Variants in F7 observed in about 807,000 individuals in gnomAD.
The protein encoded by F7 is coagulation factor VII, also known as FVII coagulation protein.
In F7, 38 loss-of-function variants were observed where a neutral mutation model predicts 47.5. The observed-to-expected ratio is 0.80, with a 90% CI of 0.62 to 1.05. The LOEUF is 1.05. F7 is among the 50% of genes least tolerant of loss of function. The pLI, the probability that F7 is intolerant of heterozygous loss-of-function variation, is 0.00. For synonymous variants in F7, 244 were observed against 258.5 expected, an observed-to-expected ratio of 0.94 and a Z score of 0.54; for missense variants, 575 against 605.4, an observed-to-expected ratio of 0.95 and a Z score of 0.53.
chr13:113,116,713 G>T, intron 5 of F7, 53 bp from the exon 6 acceptor site: 6 of 1,348,164 alleles, frequency 4.5e-6, no homozygotes, highest in Non-Finnish European at 4.3e-6. Flanking sequence ...TTTCCTAGTG[G>T]CACGTTCATC....
intron 5 of F7, among the ~76,000 whole-genome samples, chr13:113,116,098 C>T (rs534454979): frequency 5.3e-5 from 8 of 152,354 alleles, no homozygotes; most frequent in Non-Finnish European, 7.3e-5. Context: ...GCAGGACCTC[C>T]GCCAGGGTTC....
rs1369942209 is a variant in F7, at chr13:113,119,924, AT to A, written c.*919del. On this transcript the variant is annotated 3_prime_UTR_variant, in exon 8 of 8. Coordinates refer to ENST00000346342, the MANE Select transcript of F7 (RefSeq NM_019616.4). Reference sequence around the variant, plus strand: ...TGCCCCCAAACTCTCCCCCAAATGTATTTCTCCCTTCGCTGGGTGCCGGGCT... The same window carrying A: ...TGCCCCCAAACTCTCCCCCAAATGTATTCTCCCTTCGCTGGGTGCCGGGCT... 5 of 152,098 alleles carry A rather than the reference AT, an allele frequency of 3.3e-5. No homozygotes were observed. The highest frequency in any genetic ancestry group is 3.3e-4 in the Admixed American group (5 of 15,284). The allele number at this position is 152,098 out of a possible 1,614,324, so 9.4% of individuals were successfully genotyped here.
intron 2 of F7, among the ~76,000 whole-genome samples, chr13:113,112,235 C>T (rs2036115035): frequency 6.7e-6 from 1 of 148,660 alleles, no homozygotes; most frequent in Non-Finnish European, 1.5e-5. Context: ...TCACCTCACA[C>T]CCACAGGACA....
chr13:113,110,540 G>C, intron 1 of F7, 150 bp from the exon 2 acceptor site: 2 of 1,035,102 alleles, frequency 1.9e-6, no homozygotes, highest in Non-Finnish European at 2.8e-6. Context: ...ACGGCAGGGA[G>C]GACACCCAGC....
rs1420834244 is a variant in F7, at chr13:113,118,399, C to T, written c.740-14C>T. 1.3e-6 allele frequency: 2 copies of T among 1,583,478 alleles called. No homozygotes were observed. Among genetic ancestry groups the T allele is most frequent in the Non-Finnish European group, 8.6e-7 (1 of 1,165,846 alleles). On this transcript the variant is annotated splice_polypyrimidine_tract_variant and intron_variant, in intron 7 of 7. Coordinates refer to ENST00000346342, the MANE Select transcript of F7 (RefSeq NM_019616.4). Reference sequence around the variant, plus strand: ...GGTGGTGGAAAGGGCCTGAGGGGGGCTTCTTCCTTCCAGGCGAGCACGACC... The same window carrying T: ...GGTGGTGGAAAGGGCCTGAGGGGGGTTTCTTCCTTCCAGGCGAGCACGACC...
At chr13:113,106,924 GC>G in intron 1 of F7, 1 of 1,596,646 alleles carries the variant, frequency 6.3e-7, no homozygotes, top group Non-Finnish European at 8.5e-7. Context: ...AGCAGGGACT[GC>G]CACTGGTTTT....
intron 4 of F7, 110 bp from the exon 5 acceptor site, chr13:113,115,550 G>A: frequency 1.6e-6 from 2 of 1,258,906 alleles, no homozygotes; most frequent in African/African-American, 1.5e-5. Flanking sequence ...ACAGCTCAGT[G>A]CCACCTTCCA....
Position 113,118,985 on chromosome 13 carries a change from C to G in F7, c.1312C>G (p.Leu438Val). Residue 438 changes from leucine (L) to valine (V), a missense_variant, in exon 8 of 8, where the codon CTC (leucine) becomes GTC (valine). By Grantham distance (32) the Leu-to-Val change is conservative. Coordinates refer to ENST00000346342, the MANE Select transcript of F7 (RefSeq NM_019616.4). ...GCGCTCAGAGCCACGCCCAGGAGTC[C>G]TCCTGCGAGCCCCATTTCCCTAGCC... ...LMRSEPRPGV[L>V]LRAPFP is the part of the protein sequence containing the mutation. The G allele has an allele frequency of 6.2e-7, 1 of 1,600,750 alleles. No individual in the cohort carries two copies.
chr13:113,108,632 G>A (rs1188455694), intron 1 of F7, among the ~76,000 whole-genome samples: 7 of 110,722 alleles, frequency 6.3e-5, no homozygotes, highest in Admixed American at 8.4e-5. Context: ...TGGGTGTCCC[G>A]GGGGCGTGGG....
In F7 at chr13:113,113,321, G is replaced by A. The variant is rs922265888; in HGVS notation, c.226-431G>A. ...ACAGCACCCCGTGAGTTTAAGTTCA[G>A]GTGGCCAACAGTTTCTTCAGCAATC... On this transcript the variant is annotated intron_variant, in intron 2 of 7. Transcript: ENST00000346342. This position sits in a 1 kb window ranked among gnomAD's most constrained non-coding sequence, Gnocchi z 4.1. Among the ~76,000 whole-genome samples, 6 of 152,236 alleles carry A rather than the reference G, an allele frequency of 3.9e-5. No individual in the cohort carries two copies. The highest frequency in any genetic ancestry group is 3.8e-4 in the East Asian group (2 of 5,204).
chr13:113,116,642 T>C (rs2036197072), intron 5 of F7, 124 bp from the exon 6 acceptor site: 5 of 804,194 alleles, frequency 6.2e-6, no homozygotes, highest in Non-Finnish European at 1.1e-5. Context: ...GAGCTCCTGC[T>C]CCTGGGGGCC....
Position 113,118,634 on chromosome 13 carries a change from G to A in F7, c.961G>A (p.Gly321Ser), listed in dbSNP as rs1250853566. The change falls in exon 8 of 8, where the codon GGC becomes AGC. Residue 321 changes from glycine (G) to serine (S), a missense_variant. Gly to Ser is a moderately conservative substitution (Grantham distance 56). Transcript: ENST00000346342. ...LAFVRFSLVSGWGQLLDRGAT... is the reference protein window; with the variant it reads ...LAFVRFSLVSSWGQLLDRGAT... ...CTTCGTGCGCTTCTCATTGGTCAGC[G>A]GCTGGGGCCAGCTGCTGGACCGTGG... is the stretch of plus-strand genomic sequence containing the variant. 5.6e-6 allele frequency: 9 copies of A among 1,612,810 alleles called. No individual in the cohort carries two copies. Among genetic ancestry groups the A allele is most frequent in the East Asian group, 2.2e-5 (1 of 44,890 alleles).
In F7 at chr13:113,118,879, G is replaced by A; in HGVS notation, c.1206G>A (p.Trp402Ter). 1 of 1,612,714 alleles carries A rather than the reference G, an allele frequency of 6.2e-7. No homozygotes were observed. Among genetic ancestry groups the A allele is most frequent in the African/African-American group, 1.3e-5 (1 of 75,050 alleles). The change falls in exon 8 of 8, where the codon TGG (tryptophan) becomes TGA (stop). Residue 402 changes from tryptophan to a stop codon, truncating the protein, a stop_gained. Transcript: ENST00000346342. LOFTEE classifies it high-confidence loss of function. ...GGTACCTGACGGGCATCGTCAGCTG[G>A]GGCCAGGGCTGCGCAACCGTGGGCC... ...GTWYLTGIVS[W>*]GQGCATVGHF...
Position 113,113,854 on chromosome 13 carries a change from C to T in F7, c.258C>T (p.Asp86=), listed in dbSNP as rs2036147304. The change falls in exon 4 of 8, where the codon GAC becomes GAT. Residue 86 remains aspartate, a synonymous_variant. Coordinates refer to ENST00000346342, the MANE Select transcript of F7 (RefSeq NM_019616.4). This position sits in a 1 kb window ranked among gnomAD's most constrained non-coding sequence, Gnocchi z 4.1. ...KLFWISYSDG[D]QCASSPCQNG... The stretch of plus-strand genomic sequence containing the variant: ...CACCAGCCCACTCCACAGATGGGGA[C>T]CAGTGTGCCTCAAGTCCATGCCAGA... The T allele has an allele frequency of 1.2e-6, 2 of 1,614,094 alleles. No homozygotes were observed. The highest frequency in any genetic ancestry group is 2.2e-5 in the East Asian group (1 of 44,898).
rs1452083917 is a variant in F7, at chr13:113,110,745, C to G, written c.120C>G (p.Asn40Lys). ...TCCTGCACCGGCGCCGGCGCGCCAA[C>G]GCGTTCCTGGAGGAGCTGCGGCCGG... ...HGVLHRRRRA[N>K]AFLEELRPGS... The change falls in exon 2 of 8, where the codon AAC (asparagine) becomes AAG (lysine). Residue 40 changes from asparagine (N) to lysine (K), a missense_variant. Transcript: ENST00000346342. 6.5e-7 allele frequency: 1 copy of G among 1,549,042 alleles called. No homozygotes were observed. Among genetic ancestry groups the G allele is most frequent in the Admixed American group, 2.0e-5 (1 of 51,004 alleles).
intron 1 of F7, chr13:113,107,030 G>A (rs1156702207): frequency 4.3e-6 from 5 of 1,159,702 alleles, no homozygotes; most frequent in Admixed American, 4.1e-5. Flanking sequence ...CCCCAAGGAG[G>A]GTGTTCCCTG....
rs199567176 is a variant in F7 at position 113,118,489 on chromosome 13, C to A, written c.816C>A (p.Tyr272Ter). Residue 272 changes from tyrosine (Y) to a stop codon, truncating the protein, a stop_gained, in exon 8 of 8, where the codon TAC becomes TAA. Transcript: ENST00000346342. LOFTEE classifies it high-confidence loss of function. ...RVAQVIIPST[Y>*]VPGTTNHDIA... ...CGCAGGTCATCATCCCCAGCACGTA[C>A]GTCCCGGGCACCACCAACCACGACA... 3.1e-6 allele frequency: 5 copies of A among 1,610,144 alleles called. No individual in the cohort carries two copies. The South Asian group carries it at 5.5e-5, about 18-fold the overall frequency.
Position 113,110,715 on chromosome 13 carries a change from C to T in F7, c.90C>T (p.His30=), listed in dbSNP as rs2036074535. Residue 30 remains histidine (H), a synonymous_variant, in exon 2 of 8, where the codon CAC becomes CAT. Coordinates refer to ENST00000346342, the MANE Select transcript of F7 (RefSeq NM_019616.4). ...AAVFVTQEEA[H]GVLHRRRRAN... The stretch of plus-strand genomic sequence containing the variant: ...TCTTCGTAACCCAGGAGGAAGCCCA[C>T]GGCGTCCTGCACCGGCGCCGGCGCG... 1.9e-6 allele frequency: 3 copies of T among 1,548,554 alleles called. No individual in the cohort carries two copies. The highest frequency in any genetic ancestry group is 8.7e-7 in the Non-Finnish European group (1 of 1,146,522).
At chr13:113,108,624 G>C (rs866173140) in intron 1 of F7, among the ~76,000 whole-genome samples, 1 of 107,390 alleles carries the variant, frequency 9.3e-6, no homozygotes, top group Non-Finnish European at 1.9e-5. Context: ...CAGGAGTGTG[G>C]GTGTCCCGGG....
Sources: gnomAD v4.1 joint callset for allele counts (sites outside exome capture counted in the v4.1 genomes callset) on GRCh38, gnomAD v4.1.1 for gene constraint, Gnocchi (gnomAD v3.1) non-coding constraint, MANE v1.5 for transcripts, NCBI Gene and HGNC (gene_info 2026-07-23, HGNC 2026-07-21) for gene names.